PTPRT: variants seen among roughly 807,000 people sequenced by gnomAD.
The protein encoded by PTPRT is protein tyrosine phosphatase receptor type T.
PTPRT carries 56 observed loss-of-function variants against 176.8 expected under a neutral mutation model. That is an observed-to-expected ratio of 0.32 (90% CI 0.26 to 0.40). The LOEUF is 0.40. PTPRT is among the 10% of genes least tolerant of loss of function. PTPRT has a pLI of 1.00. For missense variants in PTPRT, 1,540 were observed against 1,908.2 expected (o/e 0.81, Z 3.60); for synonymous variants, 783 against 739.0 (o/e 1.06, Z -0.96).
At chr20:42,670,981 G>A (rs150112919) in intron 7 of PTPRT, among the ~76,000 whole-genome samples, 1 of 152,232 alleles carries the variant, frequency 6.6e-6, no homozygotes, top group East Asian at 1.9e-4. Flanking sequence ...GTAACAATGA[G>A]GAAGAGCTTC....
chr20:42,778,119 A>G (rs903796329), intron 4 of PTPRT, among the ~76,000 whole-genome samples: 6 of 152,214 alleles, frequency 3.9e-5, no homozygotes, highest in Admixed American at 1.3e-4. Context: ...TCCTGACTTC[A>G]GGAGCAACCC....
At chr20:42,887,069 T>C (rs899684491) in intron 1 of PTPRT, among the ~76,000 whole-genome samples, 4 of 152,170 alleles carry the variant, frequency 2.6e-5, no homozygotes, top group Admixed American at 2.6e-4. Context: ...GTTCACAGGG[T>C]GCATCACATC....
At chr20:42,150,417 T>A (rs917535753) in intron 17 of PTPRT, among the ~76,000 whole-genome samples, 4 of 152,184 alleles carry the variant, frequency 2.6e-5, no homozygotes, top group Non-Finnish European at 5.9e-5. Flanking sequence ...TCCTGGCTGA[T>A]GCTCCAGGGC....
intron 9 of PTPRT, among the ~76,000 whole-genome samples, chr20:42,381,375 A>G (rs1356662272): frequency 6.6e-6 from 1 of 152,094 alleles, no homozygotes; most frequent in Non-Finnish European, 1.5e-5. Flanking sequence ...GCCGCTTTCT[A>G]TTTTCCCTCT....
chr20:42,699,749 T>C (rs913413255), intron 6 of PTPRT, among the ~76,000 whole-genome samples: 16 of 152,170 alleles, frequency 1.1e-4, no homozygotes, highest in East Asian at 5.8e-4. Flanking sequence ...GCAGGGATTA[T>C]GGCCAATCAT....
At chr20:42,866,104 C>T (rs527281778) in intron 2 of PTPRT, among the ~76,000 whole-genome samples, 32 of 152,346 alleles carry the variant, frequency 2.1e-4, no homozygotes, top group Middle Eastern at 3.4e-3. Context: ...ACCCAGGAAT[C>T]TGCTTTTTAA....
At chr20:42,795,381 TCTC>T (rs1423515698) in intron 2 of PTPRT, among the ~76,000 whole-genome samples, 1 of 152,160 alleles carries the variant, frequency 6.6e-6, no homozygotes, top group African/African-American at 2.4e-5. Flanking sequence ...GCAACACAGA[TCTC>T]CTTTTTGGAG....
At chr20:42,175,394 C>A (rs773914752) in intron 16 of PTPRT, among the ~76,000 whole-genome samples, 7 of 152,120 alleles carry the variant, frequency 4.6e-5, no homozygotes, top group African/African-American at 9.7e-5. Context: ...GTGTTTATAA[C>A]TTTTCCCCCA....
intron 9 of PTPRT, among the ~76,000 whole-genome samples, chr20:42,380,551 A>G (rs929874645): frequency 2.6e-5 from 4 of 152,136 alleles, no homozygotes; most frequent in African/African-American, 9.7e-5. Flanking sequence ...TTGGGCCCCA[A>G]TCGGAATGGG....
At chr20:43,095,223 G>A (rs146138733) in intron 1 of PTPRT, among the ~76,000 whole-genome samples, 2,249 of 152,238 alleles carry the variant, frequency 0.015, 30 homozygotes, top group Non-Finnish European at 0.024. Context: ...GCCACTTGCA[G>A]GGTGGCCTCT....
At chr20:42,205,146 C>T (rs1467349923) in intron 15 of PTPRT, among the ~76,000 whole-genome samples, 1 of 151,690 alleles carries the variant, frequency 6.6e-6, no homozygotes, top group Non-Finnish European at 1.5e-5. Flanking sequence ...GTGCAGCACA[C>T]CAACATGGCA....
intron 16 of PTPRT, among the ~76,000 whole-genome samples, chr20:42,183,954 G>A (rs1411524396): frequency 6.6e-6 from 1 of 152,162 alleles, no homozygotes; most frequent in Non-Finnish European, 1.5e-5. Context: ...GCCTAAGGTA[G>A]ATGTATAGGG....
intron 17 of PTPRT, among the ~76,000 whole-genome samples, chr20:42,149,468 G>C (rs2146450448): frequency 1.3e-5 from 2 of 150,734 alleles, no homozygotes; most frequent in Admixed American, 1.3e-4. Context: ...TTGTTGCCCA[G>C]GCTGGAGTGC....
rs560631104 is a variant in PTPRT at position 42,396,799 on chromosome 20, C to T, written c.1561-44514G>A. 3.3e-5 allele frequency among the ~76,000 whole-genome samples: 5 copies of T among 152,310 alleles called. No individual in the cohort carries two copies. The East Asian group carries it at 9.7e-4, about 30-fold the overall frequency. On this transcript the variant is annotated intron_variant, in intron 9 of 30. Coordinates refer to ENST00000373187, the MANE Select transcript of PTPRT (RefSeq NM_007050.6). ...CTGGAACTCCTGACCTCATGGTTAT[C>T]TGCCCACCTTGGCCCCCCAAAGTGC...
intron 1 of PTPRT, among the ~76,000 whole-genome samples, chr20:42,894,849 T>C (rs2145897940): frequency 6.6e-6 from 1 of 152,004 alleles, no homozygotes; most frequent in Middle Eastern, 3.4e-3. Flanking sequence ...ACGGAGGCCA[T>C]AGTGTTATAG....
At chr20:42,035,981 T>C in the PTPRT span, among the ~76,000 whole-genome samples, 1 of 152,158 alleles carries the variant, frequency 6.6e-6, no homozygotes, top group Non-Finnish European at 1.5e-5. Context: ...TGGGAGAAGA[T>C]AACAGGACAA....
At chr20:43,018,750 C>T (rs6016938) in intron 1 of PTPRT, among the ~76,000 whole-genome samples, 51,668 of 151,994 alleles carry the variant, frequency 0.34, 10,398 homozygotes, top group African/African-American at 0.57. Flanking sequence ...AGAAAAACAA[C>T]GCAAACAAAA....
intron 16 of PTPRT, among the ~76,000 whole-genome samples, chr20:42,165,652 C>T (rs568536580): frequency 1.3e-4 from 20 of 152,272 alleles, no homozygotes; most frequent in African/African-American, 4.8e-4. Flanking sequence ...GGCTACTGAG[C>T]GTCTGAAATG....
At chr20:42,662,448 C>T (rs1230467854) in intron 7 of PTPRT, among the ~76,000 whole-genome samples, 2 of 152,166 alleles carry the variant, frequency 1.3e-5, no homozygotes, top group Admixed American at 1.3e-4. Context: ...CACTAAATCT[C>T]TCTGGCCTTG....
Sources: gnomAD v4.1 joint callset for allele counts (sites outside exome capture counted in the v4.1 genomes callset) on GRCh38, gnomAD v4.1.1 for gene constraint, MANE v1.5 for transcripts, NCBI Gene and HGNC (gene_info 2026-07-23, HGNC 2026-07-21) for gene names.